The following MIB1 variants were observed in gnomAD, a reference collection of about 807,000 sequenced individuals.
The protein encoded by MIB1 is E3 ubiquitin-protein ligase MIB1.
A neutral mutation model predicts 124.5 loss-of-function variants in MIB1; 278 were observed. That is an observed-to-expected ratio of 2.23 (90% CI 2.02 to 2.47). The LOEUF (loss-of-function observed/expected upper bound fraction) is 2.47, where lower values mean the gene tolerates loss of function less well. Ranked by LOEUF, MIB1 falls within the 30% of genes most tolerant of loss-of-function variation. The pLI is 0.00. For missense variants in MIB1, 957 were observed against 1,254.4 expected (o/e 0.76, Z 3.58); for synonymous variants, 446 against 429.4 (o/e 1.04, Z -0.48).
chr18:21,712,442 A>ATAACAT, intron 1 of MIB1, among the ~76,000 whole-genome samples: 1 of 152,190 alleles, frequency 6.6e-6, no homozygotes. Context: ...TATGTTATAT[A>ATAACAT]AGACTCCTTA....
chr18:21,738,624 G>A (rs534368691), upstream of MIB1, among the ~76,000 whole-genome samples: 42 of 151,658 alleles, frequency 2.8e-4, no homozygotes, highest in African/African-American at 1.0e-3. Context: ...TGGCTAGAAT[G>A]GTGAAACTCC....
At chr18:21,760,644 TAAAG>T (rs2041087351) in intron 1 of MIB1, among the ~76,000 whole-genome samples, 1 of 152,212 alleles carries the variant, frequency 6.6e-6, no homozygotes, top group South Asian at 2.1e-4. Flanking sequence ...TGGTTCCTTT[TAAAG>T]AAAGCCTGTA....
intron 10 of MIB1, among the ~76,000 whole-genome samples, chr18:21,813,204 A>T (rs1415056608): frequency 6.6e-6 from 1 of 151,950 alleles, no homozygotes; most frequent in Admixed American, 6.6e-5. Context: ...TGAATCACAA[A>T]ATAGGGTTAA....
chr18:21,856,805 A>T (rs188278344), intron 18 of MIB1, among the ~76,000 whole-genome samples: 1 of 152,326 alleles, frequency 6.6e-6, no homozygotes, highest in Admixed American at 6.5e-5. Flanking sequence ...TGTCAATAGT[A>T]TCTCTCTCCT....
chr18:21,844,346 A>T, intron 15 of MIB1, 93 bp downstream of exon 15: 3 of 1,308,102 alleles, frequency 2.3e-6, no homozygotes, highest in Non-Finnish European at 2.1e-6. Context: ...TATTGGATAA[A>T]ATATTTTATC....
At chr18:21,715,502 C>A (rs1233817110) in intron 1 of MIB1, among the ~76,000 whole-genome samples, 2 of 151,912 alleles carry the variant, frequency 1.3e-5, no homozygotes, top group Non-Finnish European at 2.9e-5. Flanking sequence ...AGCAATGGCT[C>A]CAAACCAAGA....
At position 21,762,393 on chromosome 18, in the gene MIB1, A is replaced by G. The variant is rs1355270708; in HGVS notation, c.230-3379A>G. On this transcript the variant is annotated intron_variant, in intron 1 of 20. Transcript: ENST00000261537. The stretch of plus-strand genomic sequence containing the variant: ...TAATTAACAGAGGGAAATTCTATAC[A>G]ATTATTAAACCATGTTGTAGAAGAA... Among the ~76,000 whole-genome samples the G allele has an allele frequency of 7.9e-5, 12 of 152,248 alleles. No homozygotes were observed. In the East Asian group the frequency reaches 2.3e-3, roughly 29 times the overall value.
chr18:21,771,843 A>C (rs1053885994), intron 3 of MIB1, among the ~76,000 whole-genome samples: 1 of 151,354 alleles, frequency 6.6e-6, no homozygotes, highest in Non-Finnish European at 1.5e-5. Flanking sequence ...TAAAAAAAAA[A>C]ACGAAAATTA....
intron 20 of MIB1, among the ~76,000 whole-genome samples, chr18:21,861,313 T>A (rs2042274606): frequency 6.6e-6 from 1 of 152,000 alleles, no homozygotes; most frequent in South Asian, 2.1e-4. Context: ...AAAACATTTT[T>A]AAACATTTGA....
chr18:21,783,746 T>C (rs183980608), intron 6 of MIB1, among the ~76,000 whole-genome samples: 1 of 152,062 alleles, frequency 6.6e-6, no homozygotes, highest in Admixed American at 6.5e-5. Context: ...TTAAATAAAT[T>C]TTATCATTTT....
At chr18:21,729,097 T>C (rs999295805) in intron 1 of MIB1, among the ~76,000 whole-genome samples, 15 of 152,196 alleles carry the variant, frequency 9.9e-5, no homozygotes, top group African/African-American at 3.6e-4. Context: ...GGTGATCTCC[T>C]CTTTAAGGAG....
chr18:21,792,739 A>G (rs973069924), intron 7 of MIB1, among the ~76,000 whole-genome samples: 1 of 152,226 alleles, frequency 6.6e-6, no homozygotes, highest in Non-Finnish European at 1.5e-5. Flanking sequence ...TATTTTAAAG[A>G]TGAGGAAATC....
At chr18:21,801,797 A>T (rs551536856) in intron 9 of MIB1, among the ~76,000 whole-genome samples, 1 of 152,150 alleles carries the variant, frequency 6.6e-6, no homozygotes, top group East Asian at 1.9e-4. Flanking sequence ...CTTCTGGGAG[A>T]CATTTCTCTT....
At chr18:21,806,668 T>C (rs921616322) in intron 10 of MIB1, among the ~76,000 whole-genome samples, 2 of 151,598 alleles carry the variant, frequency 1.3e-5, no homozygotes, top group African/African-American at 2.4e-5. Context: ...TCGCCCAGGC[T>C]GGAGTGTAGT....
intron 1 of MIB1, among the ~76,000 whole-genome samples, chr18:21,720,904 A>G (rs1408232179): frequency 6.6e-6 from 1 of 152,118 alleles, no homozygotes; most frequent in Non-Finnish European, 1.5e-5. Flanking sequence ...GCAGTAAGCC[A>G]TGATCATGCC....
chr18:21,754,999 G>T (rs1474009683), intron 1 of MIB1, among the ~76,000 whole-genome samples: 1 of 152,142 alleles, frequency 6.6e-6, no homozygotes, highest in African/African-American at 2.4e-5. Context: ...CGGGACACCT[G>T]TATCAGCCAG....
At chr18:21,854,003 A>G (rs2042203776) in intron 18 of MIB1, among the ~76,000 whole-genome samples, 1 of 105,132 alleles carries the variant, frequency 9.5e-6, no homozygotes, top group African/African-American at 3.6e-5. Flanking sequence ...ACAGACTGAG[A>G]CTCAGTCTTA....
Position 21,741,473 on chromosome 18 carries a change from C to G in MIB1, c.-111C>G. The G allele has an allele frequency of 1.7e-6, 1 of 589,862 alleles. No homozygotes were observed. Among genetic ancestry groups the G allele is most frequent in the Non-Finnish European group, 2.4e-6 (1 of 424,068 alleles). 36.5% of individuals were successfully genotyped at this position (589,862 alleles called of 1,614,324 possible). A position where few individuals can be genotyped will look rare whatever the true frequency, so the allele number is the denominator to read the frequency against. On this transcript the variant is annotated 5_prime_UTR_variant, in exon 1 of 21. Transcript: ENST00000261537. The surrounding 1 kb of genome is among the most constrained non-coding windows in gnomAD (Gnocchi z 5.4). ...TTCTCACGTCCCCCGGGGCTCGCTGCCGCCCCCGCCGACGCCTAGAGTCCG... is the reference window on the plus strand; with the variant it reads ...TTCTCACGTCCCCCGGGGCTCGCTGGCGCCCCCGCCGACGCCTAGAGTCCG...
intron 7 of MIB1, among the ~76,000 whole-genome samples, chr18:21,793,605 ACT>A (rs1048096723): frequency 2.0e-5 from 3 of 151,502 alleles, no homozygotes; most frequent in Non-Finnish European, 4.4e-5. Flanking sequence ...ACGTGGTGAA[ACT>A]CTGTTTCTAC....
Sources: allele counts gnomAD v4.1 joint callset (sites outside exome capture counted in the v4.1 genomes callset), GRCh38; gene constraint gnomAD v4.1.1; non-coding constraint Gnocchi (gnomAD v3.1); transcripts MANE v1.5; gene names NCBI Gene and HGNC (gene_info 2026-07-23, HGNC 2026-07-21).